The following KMT2C variants were observed in gnomAD, a reference collection of about 807,000 sequenced individuals.
The protein encoded by KMT2C is lysine methyltransferase 2C.
Under a neutral mutation model 507.9 loss-of-function variants are expected in KMT2C, and 88 were observed. That is an observed-to-expected ratio of 0.17 (90% confidence interval 0.15 to 0.21). The LOEUF is 0.21. Among genes scored for constraint, KMT2C ranks in the 10% least tolerant of loss-of-function variants. The probability of loss-of-function intolerance (pLI) is 1.00; values close to 1 mark genes in which losing one functional copy is unlikely to be tolerated. For missense variants in KMT2C, 4,954 were observed against 5,957.8 expected (o/e 0.83, Z 5.55); for synonymous variants, 2,049 against 2,080.8 (o/e 0.98, Z 0.42).
intron 44 of KMT2C, among the ~76,000 whole-genome samples, chr7:152,157,338 A>C (rs1321566308): frequency 2.0e-5 from 3 of 152,084 alleles, no homozygotes; most frequent in Admixed American, 6.5e-5. Flanking sequence ...AAAAAAAAAA[A>C]AAAAACCTAC....
intron 18 of KMT2C, among the ~76,000 whole-genome samples, chr7:152,229,382 C>T (rs867333068): frequency 4.6e-5 from 7 of 152,286 alleles, no homozygotes; most frequent in Middle Eastern, 3.4e-3. Context: ...ACCAAGCACA[C>T]GATACCACTT....
At position 152,330,805 on chromosome 7, in the gene KMT2C, GTATC is replaced by G. The variant is rs2096875113; in HGVS notation, c.251-70_251-67del. On this transcript the variant is annotated intron_variant, in intron 2 of 58. Transcript: ENST00000262189. ...GTGTTTATTTTAATCACTGGTGAATGTATCTATAAAGCATAGGTCATAATGTAAA... is the reference window on the plus strand; with the variant it reads ...GTGTTTATTTTAATCACTGGTGAATGTATAAAGCATAGGTCATAATGTAAA... 3 of 1,423,606 alleles carry G rather than the reference GTATC, an allele frequency of 2.1e-6. No individual in the cohort carries two copies. The East Asian group carries it at 6.8e-5, about 32-fold the overall frequency. 88.2% of individuals were successfully genotyped at this position (1,423,606 alleles called of 1,614,324 possible).
chr7:152,167,255 G>A lies in KMT2C; in HGVS notation c.9641C>T (p.Ala3214Val), dbSNP rs763123142. ...AHRKSKKALSAKQRTAKKAGR... is the reference protein window; with the variant it reads ...AHRKSKKALSVKQRTAKKAGR... ...AGCTTTCTTGGCAGTACGTTGTTTA[G>A]CTGAAAGGGCCTTCTTAGATTTTCT... Residue 3214 changes from alanine (A) to valine (V), a missense_variant, in exon 42 of 59, where the codon GCT (alanine) becomes GTT (valine). Around this residue, in one of 29 missense-constraint regions of KMT2C, gnomAD observed 71 missense variants for 139.2 expected, o/e 0.51. Transcript: ENST00000262189. 6.2e-7 allele frequency: 1 copy of A among 1,613,930 alleles called. No individual in the cohort carries two copies. The highest frequency in any genetic ancestry group is 8.5e-7 in the Non-Finnish European group (1 of 1,179,992).
At chr7:152,377,148 T>C (rs1439946147) in intron 1 of KMT2C, among the ~76,000 whole-genome samples, 1 of 152,284 alleles carries the variant, frequency 6.6e-6, no homozygotes, top group African/African-American at 2.4e-5. Context: ...AGAATTATGC[T>C]ATATCTAATC....
intron 16 of KMT2C, 110 bp from the exon 17 acceptor site, chr7:152,230,431 C>CTAG (rs2095072641): frequency 2.0e-6 from 1 of 509,686 alleles, no homozygotes; most frequent in Admixed American, 3.9e-5. Flanking sequence ...TGGCTAAGGT[C>CTAG]TAGAATAACA....
chr7:152,198,642 T>C (rs939634014), intron 27 of KMT2C, among the ~76,000 whole-genome samples: 18 of 152,270 alleles, frequency 1.2e-4, no homozygotes, highest in African/African-American at 4.3e-4. Context: ...CTTTCTCTGA[T>C]TGTTAATAGT....
chr7:152,224,469 G>A lies in KMT2C; in HGVS notation c.3124C>T (p.Gln1042Ter), dbSNP rs1271162386. 1 of 1,611,956 alleles carries A rather than the reference G, an allele frequency of 6.2e-7. No individual in the cohort carries two copies. ...YHTYCLDPPL[Q>*]TVPKGGWKCK... is the part of the protein sequence containing the mutation. ...TTCCAGCCTCCTTTGGGAACTGTCT[G>A]CAATGGAGGGTCTAGGCAGTAGGTG... Residue 1042 changes from glutamine (Q) to a stop codon, truncating the protein, a stop_gained, in exon 19 of 59, where the codon CAG (glutamine) becomes TAG (stop). Transcript: ENST00000262189. LOFTEE classifies it high-confidence loss of function.
intron 9 of KMT2C, among the ~76,000 whole-genome samples, chr7:152,257,014 A>G (rs1451639549): frequency 6.6e-6 from 1 of 152,196 alleles, no homozygotes; most frequent in Non-Finnish European, 1.5e-5. Context: ...AATTTACCCT[A>G]CAGATTTGTC....
At chr7:152,254,264 CAT>C (rs71650420) in intron 9 of KMT2C, among the ~76,000 whole-genome samples, 6,498 of 151,994 alleles carry the variant, frequency 0.043, 482 homozygotes, top group African/African-American at 0.15. Flanking sequence ...AATACATACA[CAT>C]ATATTTTTTA....
intron 2 of KMT2C, among the ~76,000 whole-genome samples, chr7:152,349,704 C>T (rs1293124905): frequency 6.6e-6 from 1 of 151,918 alleles, no homozygotes; most frequent in African/African-American, 2.4e-5. Context: ...GACTATGATA[C>T]TATAATGACA....
chr7:152,221,474 A>T (rs1450280494), intron 22 of KMT2C, among the ~76,000 whole-genome samples: 1 of 152,226 alleles, frequency 6.6e-6, no homozygotes, highest in East Asian at 1.9e-4. Flanking sequence ...AGTAATAAAT[A>T]AGTACAAATC....
intron 38 of KMT2C, among the ~76,000 whole-genome samples, chr7:152,175,168 CAG>C (rs546452715): frequency 1.9e-4 from 27 of 142,420 alleles, no homozygotes; most frequent in Middle Eastern, 3.8e-3. Context: ...TTTTTTGAGA[CAG>C]AGTCTCACTC....
At chr7:152,299,936 T>C (rs752538776) in intron 6 of KMT2C, among the ~76,000 whole-genome samples, 3 of 151,876 alleles carry the variant, frequency 2.0e-5, no homozygotes, top group Non-Finnish European at 4.4e-5. Context: ...AAAGCTAGAG[T>C]AGAAATACTA....
At chr7:152,359,985 G>A (rs1321801172) in intron 1 of KMT2C, among the ~76,000 whole-genome samples, 1 of 136,464 alleles carries the variant, frequency 7.3e-6, no homozygotes, top group African/African-American at 2.7e-5. Flanking sequence ...ACAGATGGAG[G>A]TTGCAGTGAG....
chr7:152,369,909 C>T (rs2097280159), intron 1 of KMT2C, among the ~76,000 whole-genome samples: 3 of 152,152 alleles, frequency 2.0e-5, no homozygotes, highest in Admixed American at 6.6e-5. Context: ...ATAGACTCCA[C>T]AGACATTAAA....
chr7:152,368,234 A>G (rs189567094), intron 1 of KMT2C: 3 of 893,128 alleles, frequency 3.4e-6, no homozygotes, highest in Admixed American at 1.7e-5. Flanking sequence ...ACACACACTC[A>G]GGACTTGAAA....
Position 152,150,982 on chromosome 7 carries a change from A to G in KMT2C, c.12692T>C (p.Val4231Ala). The change falls in exon 51 of 59, where the codon GTA becomes GCA. Residue 4231 changes from valine to alanine, a missense_variant. Physicochemically the swap from Val to Ala is moderately conservative, Grantham distance 64 (BLOSUM62 0). Around this residue, in one of 29 missense-constraint regions of KMT2C, gnomAD observed 417 missense variants for 461.1 expected, o/e 0.90. Coordinates refer to ENST00000262189, the MANE Select transcript of KMT2C (RefSeq NM_170606.3). The part of the protein sequence containing the change: ...NKDSRESTKR[V>A]EKDIVFCSNN... ...ACTACAGAAGACAATGTCCTTCTCT[A>G]CCCTCTTGGTGCTTTCTCGGGAATC... 2 of 1,612,236 alleles carry G rather than the reference A, an allele frequency of 1.2e-6. No individual in the cohort carries two copies. Among genetic ancestry groups the G allele is most frequent in the South Asian group, 1.1e-5 (1 of 90,910 alleles).
intron 1 of KMT2C, among the ~76,000 whole-genome samples, chr7:152,418,420 G>A (rs761897478): frequency 6.6e-6 from 1 of 151,942 alleles, no homozygotes; most frequent in Non-Finnish European, 1.5e-5. Flanking sequence ...AAATTATAGT[G>A]TGGTTACTCA....
intron 1 of KMT2C, among the ~76,000 whole-genome samples, chr7:152,361,878 T>A (rs1292512740): frequency 6.6e-6 from 1 of 152,146 alleles, no homozygotes; most frequent in Non-Finnish European, 1.5e-5. Context: ...GATATTAACA[T>A]CCCACTGTCG....
Sources: gnomAD v4.1 joint callset for allele counts (sites outside exome capture counted in the v4.1 genomes callset) on GRCh38, gnomAD v4.1.1 for gene constraint, gnomAD v4.1.1 regional missense constraint, MANE v1.5 for transcripts, NCBI Gene and HGNC (gene_info 2026-07-23, HGNC 2026-07-21) for gene names.